Variants in DCC observed in about 807,000 individuals in gnomAD.
DCC encodes the protein netrin receptor DCC.
In DCC, 58 loss-of-function variants were observed where a neutral mutation model predicts 172.5. The ratio of observed to expected loss-of-function variants is 0.34; its 90% CI spans 0.27 to 0.42. The LOEUF is 0.42. DCC is among the 10% of genes least tolerant of loss of function. DCC has a pLI of 1.00. For synonymous variants in DCC, 709 were observed against 644.5 expected, an observed-to-expected ratio of 1.10 and a Z score of -1.52; for missense variants, 1,740 against 1,791.0, an observed-to-expected ratio of 0.97 and a Z score of 0.51.
chr18:53,365,286 G>A (rs2057992659), intron 15 of DCC, among the ~76,000 whole-genome samples: 1 of 151,726 alleles, frequency 6.6e-6, no homozygotes, highest in Non-Finnish European at 1.5e-5. Context: ...GTATTCCATG[G>A]TGCATATGTG....
intron 5 of DCC, among the ~76,000 whole-genome samples, chr18:53,007,559 A>T (rs1326466264): frequency 6.6e-6 from 1 of 152,166 alleles, no homozygotes; most frequent in South Asian, 2.1e-4. Context: ...AGAGTCAGTG[A>T]CAAGTTACAG....
chr18:52,618,048 T>C (rs1377091354), intron 1 of DCC, among the ~76,000 whole-genome samples: 1 of 152,210 alleles, frequency 6.6e-6, no homozygotes, highest in African/African-American at 2.4e-5. Flanking sequence ...TCAATTGCTA[T>C]GTTAAATTAG....
At chr18:52,761,183 G>A (rs545407634) in intron 2 of DCC, among the ~76,000 whole-genome samples, 13 of 152,284 alleles carry the variant, frequency 8.5e-5, no homozygotes, top group African/African-American at 2.9e-4. Flanking sequence ...ATGGATGGTG[G>A]CAGGCAAAGA....
chr18:52,540,565 G>C (rs369332748), intron 1 of DCC, among the ~76,000 whole-genome samples: 5 of 113,770 alleles, frequency 4.4e-5, no homozygotes, highest in African/African-American at 1.7e-4. Context: ...AAATAAATGT[G>C]TTATTCACTA....
intron 12 of DCC, among the ~76,000 whole-genome samples, chr18:53,300,821 C>T (rs2057125088): frequency 6.6e-6 from 1 of 151,922 alleles, no homozygotes; most frequent in South Asian, 2.1e-4. Flanking sequence ...CTGCAGAGCA[C>T]CAGCTAATTT....
chr18:53,294,607 C>G (rs2057044264), intron 12 of DCC, among the ~76,000 whole-genome samples: 1 of 152,116 alleles, frequency 6.6e-6, no homozygotes, highest in Non-Finnish European at 1.5e-5. Context: ...GAGGACTCAG[C>G]CTTGCATGTC....
chr18:52,992,135 A>G (rs8091077), intron 5 of DCC, among the ~76,000 whole-genome samples: 28,248 of 152,144 alleles, frequency 0.19, 3,099 homozygotes, highest in African/African-American at 0.31. Context: ...CTTTATGCGA[A>G]TGGTGGAAGC....
At chr18:53,179,505 C>T (rs758866348) in intron 9 of DCC, among the ~76,000 whole-genome samples, 4 of 152,154 alleles carry the variant, frequency 2.6e-5, no homozygotes, top group Non-Finnish European at 5.9e-5. Flanking sequence ...CAATAACATA[C>T]AATTTCTAAA....
chr18:52,984,068 T>C (rs1188514704), intron 5 of DCC, among the ~76,000 whole-genome samples: 1 of 152,144 alleles, frequency 6.6e-6, no homozygotes, highest in Non-Finnish European at 1.5e-5. Context: ...CATTTGGTTG[T>C]CAAAGTGTGT....
chr18:52,732,382 G>A lies in DCC; in HGVS notation c.92-19672G>A, dbSNP rs12956662. On this transcript the variant is annotated intron_variant, in intron 1 of 28. Transcript: ENST00000442544. ...TAATCATGGATTGTGTCTTATCCAC[G>A]ATTTATTCACTGGAGGTATTGTAGA... 7.4e-3 allele frequency among the ~76,000 whole-genome samples: 1,121 copies of A among 152,262 alleles called. 6 individuals carry two copies. The highest frequency in any genetic ancestry group is 0.012 in the Non-Finnish European group (823 of 68,024).
chr18:52,401,102 A>G (rs975919467), intron 1 of DCC, among the ~76,000 whole-genome samples: 1 of 151,998 alleles, frequency 6.6e-6, no homozygotes, highest in Non-Finnish European at 1.5e-5. Context: ...TTAAAGAATA[A>G]TAATGATAAA....
At chr18:53,530,520 G>A in intron 28 of DCC, 44 bp from the exon 29 acceptor site, 1 of 1,073,582 alleles carries the variant, frequency 9.3e-7, no homozygotes, top group East Asian at 2.4e-5. Context: ...AAAAGAAATG[G>A]ATCAATATTT....
chr18:52,715,869 AGGAGTTCT>A (rs2036371783), intron 1 of DCC, among the ~76,000 whole-genome samples: 1 of 152,050 alleles, frequency 6.6e-6, no homozygotes, highest in Non-Finnish European at 1.5e-5. Flanking sequence ...ATGCAGGAGA[AGGAGTTCT>A]GGCTTAGAAT....
At chr18:52,456,859 C>G (rs1249422181) in intron 1 of DCC, among the ~76,000 whole-genome samples, 1 of 151,644 alleles carries the variant, frequency 6.6e-6, no homozygotes, top group Non-Finnish European at 1.5e-5. Context: ...TTTTTTGACA[C>G]CAAGTCTGAG....
rs34151927 is a variant in DCC, at chr18:53,217,310, TAC to T, written c.1911+1737_1911+1738del. The stretch of plus-strand genomic sequence containing the variant: ...ACACACACACACACACATATGTATA[TAC>T]ACACACACACACACACACACACAAA... On this transcript the variant is annotated intron_variant, in intron 12 of 28. Coordinates refer to ENST00000442544, the MANE Select transcript of DCC (RefSeq NM_005215.4). Among the ~76,000 whole-genome samples the T allele has an allele frequency of 3.3e-3, 492 of 148,364 alleles. 4 individuals carry two copies. The highest frequency in any genetic ancestry group is 0.013 in the East Asian group (62 of 4,946).
At chr18:53,102,401 C>T (rs529670261) in intron 7 of DCC, among the ~76,000 whole-genome samples, 16 of 151,946 alleles carry the variant, frequency 1.1e-4, no homozygotes, top group Non-Finnish European at 2.4e-4. Context: ...TGTTTTTATT[C>T]TTTTGATTGT....
intron 1 of DCC, among the ~76,000 whole-genome samples, chr18:52,427,989 G>A (rs1001759855): frequency 3.3e-5 from 5 of 151,908 alleles, no homozygotes; most frequent in African/African-American, 9.7e-5. Context: ...GTTCAACAAA[G>A]TCACGTCTCT....
At chr18:52,697,863 T>C (rs1046546648) in intron 1 of DCC, among the ~76,000 whole-genome samples, 34 of 152,344 alleles carry the variant, frequency 2.2e-4, no homozygotes, top group African/African-American at 7.9e-4. Context: ...CTATTTTGGA[T>C]TTAACAGACA....
At chr18:52,707,165 AC>A (rs1228165034) in intron 1 of DCC, among the ~76,000 whole-genome samples, 1 of 152,188 alleles carries the variant, frequency 6.6e-6, no homozygotes, top group Non-Finnish European at 1.5e-5. Context: ...GTAATTACTA[AC>A]TTCACCCATT....
Sources: allele counts gnomAD v4.1 joint callset (sites outside exome capture counted in the v4.1 genomes callset), GRCh38; gene constraint gnomAD v4.1.1; transcripts MANE v1.5; gene names NCBI Gene and HGNC (gene_info 2026-07-23, HGNC 2026-07-21).